The following PTH1R variants were observed in gnomAD, a reference collection of about 807,000 sequenced individuals.
PTH1R encodes the protein parathyroid hormone 1 receptor.
A neutral mutation model predicts 70.7 loss-of-function variants in PTH1R; 32 were observed. The ratio of observed to expected loss-of-function variants is 0.45; its 90% CI spans 0.34 to 0.61. PTH1R has a LOEUF of 0.61. PTH1R is among the 20% of genes least tolerant of loss of function. PTH1R has a pLI of 0.01. For missense variants in PTH1R, 626 were observed against 792.5 expected (o/e 0.79, Z 2.52); for synonymous variants, 329 against 324.8 (o/e 1.01, Z -0.14).
Position 46,901,630 on chromosome 3 carries a change from C to G in PTH1R, c.1117-136C>G. On this transcript the variant is annotated intron_variant, in intron 12 of 15. Transcript: ENST00000449590. This position sits in a 1 kb window ranked among gnomAD's most constrained non-coding sequence, Gnocchi z 7.3. ...GAGGACCAGCTGATCCACACTCCAG[C>G]CCAGAAAGGAAAACCAAGGGCTCAA... 3.0e-6 allele frequency: 4 copies of G among 1,347,490 alleles called. No homozygotes were observed. The highest frequency in any genetic ancestry group is 4.2e-6 in the Non-Finnish European group (4 of 961,648). 83.5% of individuals were successfully genotyped at this position (1,347,490 alleles called of 1,614,324 possible). A position where few individuals can be genotyped will look rare whatever the true frequency, so the allele number is the denominator to read the frequency against.
At chr3:46,894,626 G>A (rs1441873062) in intron 4 of PTH1R, among the ~76,000 whole-genome samples, 1 of 152,034 alleles carries the variant, frequency 6.6e-6, no homozygotes, top group Non-Finnish European at 1.5e-5. Context: ...CCACCATGGA[G>A]CCTCTCGCTT....
chr3:46,887,954 GT>G (rs1359724702), intron 3 of PTH1R, among the ~76,000 whole-genome samples: 5 of 152,128 alleles, frequency 3.3e-5, no homozygotes, highest in Non-Finnish European at 7.4e-5. Context: ...CTATTTCCTA[GT>G]AGGATATTTC....
Position 46,898,725 on chromosome 3 carries a change from C to G in PTH1R, c.702C>G (p.Ala234=), listed in dbSNP as rs1476388516. 2.5e-6 allele frequency: 4 copies of G among 1,611,334 alleles called. No homozygotes were observed. The highest frequency in any genetic ancestry group is 3.4e-6 in the Non-Finnish European group (4 of 1,179,548). The change falls in exon 9 of 16, where the codon GCC becomes GCG. Residue 234 remains alanine, a synonymous_variant. Coordinates refer to ENST00000449590, the MANE Select transcript of PTH1R (RefSeq NM_000316.3). ...TGTTCCTGTCCTTCATGCTGCGCGCCGTGAGCATCTTCGTCAAGGACGCTG... is the reference window on the plus strand; with the variant it reads ...TGTTCCTGTCCTTCATGCTGCGCGCGGTGAGCATCTTCGTCAAGGACGCTG... The part of the protein sequence containing the change: ...MHLFLSFMLR[A]VSIFVKDAVL...
At position 46,892,776 on chromosome 3, in the gene PTH1R, G is replaced by A. The variant is rs888451916; in HGVS notation, c.76-1131G>A. ...CCCCGCCTTGGCGCGTCTGAAGGAT[G>A]CAGCTCTGCCGCGGAGCTGAGGAGA... On this transcript the variant is annotated intron_variant, in intron 3 of 15. Coordinates refer to ENST00000449590, the MANE Select transcript of PTH1R (RefSeq NM_000316.3). The surrounding 1 kb of genome is among the most constrained non-coding windows in gnomAD (Gnocchi z 5.2). 12 of 985,826 alleles carry A rather than the reference G, an allele frequency of 1.2e-5. No homozygotes were observed. The highest frequency in any genetic ancestry group is 1.4e-5 in the Non-Finnish European group (12 of 830,218). 61.1% of individuals were successfully genotyped at this position (985,826 alleles called of 1,614,324 possible).
At position 46,883,192 on chromosome 3, in the gene PTH1R, AG is replaced by A. The variant is rs1238400511; in HGVS notation, c.-48-314del. Among the ~76,000 whole-genome samples the A allele has an allele frequency of 7.5e-5, 11 of 145,902 alleles. No individual in the cohort carries two copies. Among genetic ancestry groups the A allele is most frequent in the Admixed American group, 2.0e-4 (3 of 14,902 alleles). On this transcript the variant is annotated intron_variant, in intron 2 of 15. Transcript: ENST00000449590. This position sits in a 1 kb window ranked among gnomAD's most constrained non-coding sequence, Gnocchi z 6.4. ...AGAAAGAAAGAAAAGGCGGCGCGGGAGGGGGGCGGGGGGCGGGCCGGGGGCG... is the reference window on the plus strand; with the variant it reads ...AGAAAGAAAGAAAAGGCGGCGCGGGAGGGGGCGGGGGGCGGGCCGGGGGCG...
At position 46,902,423 on chromosome 3, in the gene PTH1R, CCCTTTGAGCTTCCGGA is replaced by C; in HGVS notation, c.1212-102_1212-87del. 6.7e-7 allele frequency: 1 copy of C among 1,486,014 alleles called. No individual in the cohort carries two copies. Among genetic ancestry groups the C allele is most frequent in the Non-Finnish European group, 9.2e-7 (1 of 1,089,464 alleles). The allele number at this position is 1,486,014 out of a possible 1,614,324, so 92.1% of individuals were successfully genotyped here. ...TCCCATGGTGACTGGAGCCCTGGGC[CCCTTTGAGCTTCCGGA>C]GCCTGGGGCTCGCAGGGTGGGGGGT... On this transcript the variant is annotated intron_variant, in intron 13 of 15. Coordinates refer to ENST00000449590, the MANE Select transcript of PTH1R (RefSeq NM_000316.3). This position sits in a 1 kb window ranked among gnomAD's most constrained non-coding sequence, Gnocchi z 5.4.
At chr3:46,888,423 G>A (rs751573877) in intron 3 of PTH1R, among the ~76,000 whole-genome samples, 1 of 152,242 alleles carries the variant, frequency 6.6e-6, no homozygotes, top group Non-Finnish European at 1.5e-5. Flanking sequence ...GAGGCGTCAA[G>A]TAGCCTCCCT....
At chr3:46,881,789 C>G (rs1254185715) in intron 2 of PTH1R, among the ~76,000 whole-genome samples, 1 of 152,010 alleles carries the variant, frequency 6.6e-6, no homozygotes, top group East Asian at 1.9e-4. Context: ...GCGGCCTCCC[C>G]AGGGACCCCG....
rs771783466 is a variant in PTH1R at position 46,898,770 on chromosome 3, G to C, written c.747G>C (p.Thr249=). 4.4e-6 allele frequency: 7 copies of C among 1,604,736 alleles called. No homozygotes were observed. Among genetic ancestry groups the C allele is most frequent in the Middle Eastern group, 3.3e-4 (2 of 6,054 alleles). ...ACGCTGTGCTCTACTCTGGCGCCAC[G>C]CTTGATGAGGCTGAGCGCCTCACCG... ...VKDAVLYSGA[T]LDEAERLTEE... Residue 249 remains threonine (T), a synonymous_variant, in exon 9 of 16, where the codon ACG becomes ACC. Coordinates refer to ENST00000449590, the MANE Select transcript of PTH1R (RefSeq NM_000316.3).
chr3:46,902,981 T>C lies in PTH1R; in HGVS notation c.1395+191T>C, dbSNP rs529515559. ...AGGATGTGCTAGGATGTGGGGACTC[T>C]TCAGTCACTGGCATAGCCAAGTGTC... is the stretch of plus-strand genomic sequence containing the variant. On this transcript the variant is annotated intron_variant, in intron 15 of 15. Transcript: ENST00000449590. This position sits in a 1 kb window ranked among gnomAD's most constrained non-coding sequence, Gnocchi z 5.4. The C allele has an allele frequency of 4.0e-5, 40 of 992,080 alleles. No homozygotes were observed. The highest frequency in any genetic ancestry group is 3.8e-4 in the South Asian group (28 of 73,370). 61.5% of individuals were successfully genotyped at this position (992,080 alleles called of 1,614,324 possible).
At chr3:46,895,933 G>A in intron 5 of PTH1R, 64 bp downstream of exon 5, 1 of 1,570,634 alleles carries the variant, frequency 6.4e-7, no homozygotes, top group Non-Finnish European at 8.7e-7. Flanking sequence ...CCATTGCACT[G>A]TCCCTCTGAT....
Position 46,902,730 on chromosome 3 carries a change from G to A in PTH1R, c.1354-19G>A, listed in dbSNP as rs562494064. On this transcript the variant is annotated intron_variant, in intron 14 of 15. Coordinates refer to ENST00000449590, the MANE Select transcript of PTH1R (RefSeq NM_000316.3). This position sits in a 1 kb window ranked among gnomAD's most constrained non-coding sequence, Gnocchi z 5.4. ...GGGGTTCCGGGGGCAGGCCTGATTC[G>A]AGACACCCCTCTTCACAGGGATTTT... is the stretch of plus-strand genomic sequence containing the variant. 20 of 1,613,868 alleles carry A rather than the reference G, an allele frequency of 1.2e-5. No individual in the cohort carries two copies. The highest frequency in any genetic ancestry group is 1.6e-4 in the Middle Eastern group (1 of 6,084).
At chr3:46,895,357 C>T (rs2031688909) in intron 4 of PTH1R, among the ~76,000 whole-genome samples, 1 of 152,210 alleles carries the variant, frequency 6.6e-6, no homozygotes, top group African/African-American at 2.4e-5. Context: ...ACTCTGTCTG[C>T]TTTCACCGTG....
Position 46,902,383 on chromosome 3 carries a change from T to G in PTH1R, c.1212-143T>G. 2 of 1,128,534 alleles carry G rather than the reference T, an allele frequency of 1.8e-6. No individual in the cohort carries two copies. Among genetic ancestry groups the G allele is most frequent in the Non-Finnish European group, 2.6e-6 (2 of 772,100 alleles). 69.9% of individuals were successfully genotyped at this position (1,128,534 alleles called of 1,614,324 possible). On this transcript the variant is annotated intron_variant, in intron 13 of 15. Coordinates refer to ENST00000449590, the MANE Select transcript of PTH1R (RefSeq NM_000316.3). The surrounding 1 kb of genome is among the most constrained non-coding windows in gnomAD (Gnocchi z 5.4). Reference sequence around the variant, plus strand: ...TTAGCCAGGACAGCAGCCATGCAGGTGAACTGGGTTGTCCTCCCATGGTGA... The same window carrying G: ...TTAGCCAGGACAGCAGCCATGCAGGGGAACTGGGTTGTCCTCCCATGGTGA...
chr3:46,894,073 G>A, intron 4 of PTH1R, 64 bp downstream of exon 4: 1 of 1,535,978 alleles, frequency 6.5e-7, no homozygotes, highest in Non-Finnish European at 9.0e-7. Flanking sequence ...GTCAAGGGCG[G>A]GACCCAGGAT....
At chr3:46,886,610 G>T (rs2031049813) in intron 3 of PTH1R, among the ~76,000 whole-genome samples, 1 of 152,166 alleles carries the variant, frequency 6.6e-6, no homozygotes, top group Non-Finnish European at 1.5e-5. Context: ...GCCCGCCTCG[G>T]CCTCCCAAAG....
In PTH1R at chr3:46,884,078, G is replaced by T. The variant is rs1055464332; in HGVS notation, c.75+444G>T. On this transcript the variant is annotated intron_variant, in intron 3 of 15. Coordinates refer to ENST00000449590, the MANE Select transcript of PTH1R (RefSeq NM_000316.3). This position sits in a 1 kb window ranked among gnomAD's most constrained non-coding sequence, Gnocchi z 4.8. Reference sequence around the variant, plus strand: ...TCTGAGGTCAGAATCATCCAGGCAGGGGGTAGGATTTAGGGGCCCCCTCCA... The same window carrying T: ...TCTGAGGTCAGAATCATCCAGGCAGTGGGTAGGATTTAGGGGCCCCCTCCA... 2.0e-5 allele frequency among the ~76,000 whole-genome samples: 3 copies of T among 152,152 alleles called. No individual in the cohort carries two copies. Among genetic ancestry groups the T allele is most frequent in the Non-Finnish European group, 4.4e-5 (3 of 68,032 alleles).
In PTH1R at chr3:46,883,503, C is replaced by CA; in HGVS notation, c.-48-8dup. The CA allele has an allele frequency of 7.0e-7, 1 of 1,435,964 alleles. No individual in the cohort carries two copies. Among genetic ancestry groups the CA allele is most frequent in the Non-Finnish European group, 9.1e-7 (1 of 1,094,024 alleles). The allele number at this position is 1,435,964 out of a possible 1,614,324, so 89.0% of individuals were successfully genotyped here. On this transcript the variant is annotated splice_polypyrimidine_tract_variant and intron_variant, in intron 2 of 15. Transcript: ENST00000449590. This position sits in a 1 kb window ranked among gnomAD's most constrained non-coding sequence, Gnocchi z 6.4. The stretch of plus-strand genomic sequence containing the variant: ...CCTGACGCAGCTCTGCACCCCCTAC[C>CA]ACCACCAGGGCCGGCGGCGGCGGCT...
Position 46,892,161 on chromosome 3 carries a change from C to T in PTH1R, c.76-1746C>T, listed in dbSNP as rs1204762699. 6.6e-6 allele frequency among the ~76,000 whole-genome samples: 1 copy of T among 152,136 alleles called. No homozygotes were observed. The highest frequency in any genetic ancestry group is 2.4e-5 in the African/African-American group (1 of 41,414). ...CTAGGATAGAGGAGCTTAGGCCAGC[C>T]GCCAGCACGTGAGGATCTGCTCCAG... On this transcript the variant is annotated intron_variant, in intron 3 of 15. Coordinates refer to ENST00000449590, the MANE Select transcript of PTH1R (RefSeq NM_000316.3). The surrounding 1 kb of genome is among the most constrained non-coding windows in gnomAD (Gnocchi z 5.2).
Sources: allele counts gnomAD v4.1 joint callset (sites outside exome capture counted in the v4.1 genomes callset), GRCh38; gene constraint gnomAD v4.1.1; non-coding constraint Gnocchi (gnomAD v3.1); transcripts MANE v1.5; gene names NCBI Gene and HGNC (gene_info 2026-07-23, HGNC 2026-07-21).